IL1RAPL1: variants seen among roughly 807,000 people sequenced by gnomAD.
IL1RAPL1 encodes the protein interleukin 1 receptor accessory protein like 1.
A neutral mutation model predicts 48.4 loss-of-function variants in IL1RAPL1; 3 were observed. The ratio of observed to expected loss-of-function variants is 0.06; its 90% CI spans 0.03 to 0.16. The LOEUF (loss-of-function observed/expected upper bound fraction) is 0.16. Ranked by LOEUF, IL1RAPL1 falls within the 10% of genes least tolerant of loss-of-function variation. IL1RAPL1 has a pLI of 1.00. For missense variants in IL1RAPL1, 349 were observed against 530.6 expected, an observed-to-expected ratio of 0.66 and a Z score of 3.36; for synonymous variants, 185 against 187.7, an observed-to-expected ratio of 0.99 and a Z score of 0.12.
intron 6 of IL1RAPL1, among the ~76,000 whole-genome samples, chrX:29,782,265 A>G (rs1929364126): frequency 9.0e-6 from 1 of 111,509 alleles, no homozygotes; most frequent in African/African-American, 3.3e-5. Flanking sequence ...ACAATTGTAA[A>G]GACTGCGTTG....
At chrX:29,346,467 C>T (rs1037313879) in intron 3 of IL1RAPL1, among the ~76,000 whole-genome samples, 2 of 111,881 alleles carry the variant, frequency 1.8e-5, no homozygotes, top group African/African-American at 6.5e-5. Flanking sequence ...GGAGCAGTTT[C>T]ATTTAAAAGG....
chrX:28,795,649 T>C lies in IL1RAPL1; in HGVS notation c.82+6224T>C, dbSNP rs755295043. ...TAATTAACTTGGAATATTATTATTA[T>C]TAGTTGTATTAGTATTCCAACTTAT... On this transcript the variant is annotated intron_variant, in intron 2 of 10. Transcript: ENST00000378993. 1.1e-4 allele frequency among the ~76,000 whole-genome samples: 12 copies of C among 111,274 alleles called. No individual in the cohort carries two copies. In the Admixed American group the frequency reaches 1.1e-3, roughly 11 times the overall value.
chrX:29,267,219 C>T (rs2147588047), intron 2 of IL1RAPL1, among the ~76,000 whole-genome samples: 1 of 111,849 alleles, frequency 8.9e-6, no homozygotes, highest in Admixed American at 9.5e-5. Context: ...AAGCCTCATC[C>T]CTTGCATGTC....
chrX:28,798,604 A>G (rs919935702), intron 2 of IL1RAPL1, among the ~76,000 whole-genome samples: 3 of 112,264 alleles, frequency 2.7e-5, no homozygotes, highest in Non-Finnish European at 5.6e-5. Context: ...GGCAGTAGAC[A>G]TCTTTCTAGA....
At chrX:28,617,064 C>T (rs1934228818) in intron 1 of IL1RAPL1, among the ~76,000 whole-genome samples, 1 of 112,130 alleles carries the variant, frequency 8.9e-6, no homozygotes, top group Non-Finnish European at 1.9e-5. Context: ...TTAAAACTTT[C>T]AATAATGTTT....
chrX:29,515,913 T>C (rs952934394), intron 5 of IL1RAPL1, among the ~76,000 whole-genome samples: 1 of 111,802 alleles, frequency 8.9e-6, no homozygotes, highest in African/African-American at 3.3e-5. Flanking sequence ...CTTGAATTCC[T>C]GAGCTCAAAC....
At chrX:29,069,394 T>C (rs1927515063) in intron 2 of IL1RAPL1, among the ~76,000 whole-genome samples, 1 of 111,186 alleles carries the variant, frequency 9.0e-6, no homozygotes, top group Non-Finnish European at 1.9e-5. Flanking sequence ...TGTCATAAAG[T>C]GAGTTATTTT....
intron 5 of IL1RAPL1, among the ~76,000 whole-genome samples, chrX:29,589,170 A>G (rs1277081870): frequency 8.9e-6 from 1 of 112,244 alleles, no homozygotes; most frequent in Non-Finnish European, 1.9e-5. Flanking sequence ...TCTTAGATCT[A>G]CTGATAATGC....
chrX:29,137,441 C>T, intron 2 of IL1RAPL1, among the ~76,000 whole-genome samples: 1 of 111,683 alleles, frequency 9.0e-6, no homozygotes, highest in East Asian at 2.8e-4. Flanking sequence ...AAATAACATC[C>T]ACTATTATTT....
intron 7 of IL1RAPL1, among the ~76,000 whole-genome samples, chrX:29,919,296 T>C (rs1416763943): frequency 8.9e-6 from 1 of 112,275 alleles, no homozygotes; most frequent in Non-Finnish European, 1.9e-5. Context: ...TTACCCCCTC[T>C]GGCTTTGTGT....
At chrX:29,802,968 CAT>C (rs1360105155) in intron 6 of IL1RAPL1, among the ~76,000 whole-genome samples, 1 of 82,469 alleles carries the variant, frequency 1.2e-5, no homozygotes, top group Non-Finnish European at 2.3e-5. Context: ...TACATGTGTA[CAT>C]ATATACATAC....
At chrX:29,584,618 A>G (rs1923093990) in intron 5 of IL1RAPL1, among the ~76,000 whole-genome samples, 1 of 111,453 alleles carries the variant, frequency 9.0e-6, no homozygotes, top group South Asian at 3.8e-4. Context: ...CAGTGGCAAG[A>G]TCATGGCTCA....
At chrX:29,591,679 G>A (rs900087780) in intron 5 of IL1RAPL1, among the ~76,000 whole-genome samples, 1 of 112,658 alleles carries the variant, frequency 8.9e-6, no homozygotes, top group Admixed American at 9.3e-5. Flanking sequence ...AACCTTGGGG[G>A]AAGCCCTCTG....
chrX:28,622,431 T>C (rs1424196196), intron 1 of IL1RAPL1, among the ~76,000 whole-genome samples: 2 of 111,945 alleles, frequency 1.8e-5, no homozygotes, highest in Non-Finnish European at 3.8e-5. Flanking sequence ...AAAGGTTTTA[T>C]TAGTGAATTG....
intron 8 of IL1RAPL1, among the ~76,000 whole-genome samples, chrX:29,923,457 T>C (rs1932862255): frequency 8.9e-6 from 1 of 112,170 alleles, no homozygotes; most frequent in African/African-American, 3.2e-5. Flanking sequence ...ATGGGCCATA[T>C]TGGTTTATGA....
intron 2 of IL1RAPL1, among the ~76,000 whole-genome samples, chrX:28,957,482 T>C (rs1924645885): frequency 8.9e-6 from 1 of 111,773 alleles, no homozygotes; most frequent in Non-Finnish European, 1.9e-5. Context: ...TGTATATGTG[T>C]TAAATATGTA....
chrX:28,811,579 C>G (rs1211433044), intron 2 of IL1RAPL1, among the ~76,000 whole-genome samples: 1 of 110,493 alleles, frequency 9.1e-6, no homozygotes, highest in Non-Finnish European at 1.9e-5. Flanking sequence ...AATAAAGAAG[C>G]AAGACATGGG....
chrX:28,664,876 G>A (rs756626488), intron 1 of IL1RAPL1, among the ~76,000 whole-genome samples: 11 of 111,590 alleles, frequency 9.9e-5, no homozygotes, highest in Non-Finnish European at 1.3e-4. Context: ...CCTTTCATGT[G>A]CAAGGGAAGA....
chrX:29,257,242 G>A, intron 2 of IL1RAPL1, among the ~76,000 whole-genome samples: 1 of 111,349 alleles, frequency 9.0e-6, no homozygotes, highest in Non-Finnish European at 1.9e-5. Context: ...TATAATGTTA[G>A]CACCAATGTA....
Sources: allele counts gnomAD v4.1 joint callset (sites outside exome capture counted in the v4.1 genomes callset), GRCh38; gene constraint gnomAD v4.1.1; transcripts MANE v1.5; gene names NCBI Gene and HGNC (gene_info 2026-07-23, HGNC 2026-07-21).